ZNF681: variants seen among roughly 807,000 people sequenced by gnomAD.
The protein encoded by ZNF681 is zinc finger protein 681.
In ZNF681, 37 loss-of-function variants were observed where a neutral mutation model predicts 56.0. That is an observed-to-expected ratio of 0.66 (90% confidence interval 0.51 to 0.87). The LOEUF is 0.87. Among genes scored for constraint, ZNF681 ranks in the 40% least tolerant of loss-of-function variants. The probability of loss-of-function intolerance (pLI) is 0.00; values close to 1 mark genes in which losing one functional copy is unlikely to be tolerated. For missense variants in ZNF681, 741 were observed against 744.9 expected, an observed-to-expected ratio of 0.99 and a Z score of 0.06; for synonymous variants, 225 against 248.6, an observed-to-expected ratio of 0.91 and a Z score of 0.89.
chr19:23,756,597 A>C (rs1969123137), intron 1 of ZNF681, among the ~76,000 whole-genome samples: 1 of 152,160 alleles, frequency 6.6e-6, no homozygotes, highest in South Asian at 2.1e-4. Context: ...AACAATGAGC[A>C]CACATAAACA....
intron 1 of ZNF681, among the ~76,000 whole-genome samples, chr19:23,756,330 A>G (rs56156483): frequency 6.7e-6 from 1 of 148,886 alleles, no homozygotes; most frequent in Non-Finnish European, 1.5e-5. Flanking sequence ...GTCCCCCCCC[A>G]AAAAAAGACA....
intron 1 of ZNF681, among the ~76,000 whole-genome samples, chr19:23,757,623 T>A (rs1969142378): frequency 6.6e-6 from 1 of 152,108 alleles, no homozygotes; most frequent in African/African-American, 2.4e-5. Flanking sequence ...TATCTGCTTT[T>A]GTGTTTCAGG....
At chr19:23,747,979 G>T (rs1480298600) in intron 3 of ZNF681, among the ~76,000 whole-genome samples, 1 of 151,354 alleles carries the variant, frequency 6.6e-6, no homozygotes, top group Non-Finnish European at 1.5e-5. Context: ...TGATAAAGCT[G>T]GATTCTTTGA....
rs1968929429 is a variant in ZNF681, at chr19:23,745,314, GAACA to G, written c.232_235del (p.Cys78LeufsTer13). On this transcript the variant is annotated frameshift_variant, in exon 4 of 4. Transcript: ENST00000402377. LOFTEE classifies it high-confidence loss of function. ...TGGTGAAAAGTCTTGGGCAAAATGA[GAACA>G]AATAACTGAAAGAAATAAAAATAAC... 1.9e-6 allele frequency: 3 copies of G among 1,539,392 alleles called. No homozygotes were observed. The highest frequency in any genetic ancestry group is 1.7e-6 in the Non-Finnish European group (2 of 1,148,828).
chr19:23,757,701 A>G (rs1969143563), intron 1 of ZNF681, among the ~76,000 whole-genome samples: 1 of 152,180 alleles, frequency 6.6e-6, no homozygotes, highest in Non-Finnish European at 1.5e-5. Flanking sequence ...AATCAGTTCT[A>G]TGAGGCAAGA....
At chr19:23,755,596 C>CACAT (rs56816371) in intron 1 of ZNF681, 45 bp from the exon 2 acceptor site, 8 of 696,042 alleles carry the variant, frequency 1.1e-5, no homozygotes, top group Non-Finnish European at 1.6e-5. Context: ...CACACACACA[C>CACAT]ACATACACAT....
At chr19:23,753,485 A>G (rs1969065416) in intron 3 of ZNF681, among the ~76,000 whole-genome samples, 1 of 152,310 alleles carries the variant, frequency 6.6e-6, no homozygotes, top group Admixed American at 6.5e-5. Flanking sequence ...ACAATGAAAG[A>G]TATATCAATG....
chr19:23,754,434 C>A (rs766185928), intron 3 of ZNF681, among the ~76,000 whole-genome samples: 1 of 152,062 alleles, frequency 6.6e-6, no homozygotes, highest in East Asian at 1.9e-4. Context: ...GAGGCCAAGG[C>A]GGGCAGATCA....
chr19:23,743,740 T>C lies in ZNF681; in HGVS notation c.1810A>G (p.Asn604Asp), dbSNP rs1370964789. 1.9e-6 allele frequency: 3 copies of C among 1,611,240 alleles called. No homozygotes were observed. The highest frequency in any genetic ancestry group is 2.5e-6 in the Non-Finnish European group (3 of 1,178,400). ...KCGKAFNQSS[N>D]LTGHKKIHTG... The stretch of plus-strand genomic sequence containing the variant: ...TGAATTTTCTTATGTCCAGTAAGGT[T>C]TGAGGACTGGTTAAAAGCTTTGCCA... Residue 604 changes from asparagine to aspartate, a missense_variant, in exon 4 of 4, where the codon AAC (asparagine) becomes GAC (aspartate). Asn to Asp is a conservative substitution (Grantham distance 23). Transcript: ENST00000402377.
chr19:23,757,039 G>A (rs911428643), intron 1 of ZNF681, among the ~76,000 whole-genome samples: 1 of 151,724 alleles, frequency 6.6e-6, no homozygotes, highest in Non-Finnish European at 1.5e-5. Flanking sequence ...CCTGGCTAAT[G>A]TTTGTATTTT....
At chr19:23,749,418 T>C (rs988596148) in intron 3 of ZNF681, among the ~76,000 whole-genome samples, 1 of 152,188 alleles carries the variant, frequency 6.6e-6, no homozygotes, top group African/African-American at 2.4e-5. Context: ...TGTATAACAA[T>C]GTGAATACAC....
Position 23,740,977 on chromosome 19 carries a change from G to C in ZNF681, c.*2635C>G, listed in dbSNP as rs1273136660. ...CAAGTAAAAACAAAAATTTGCATAG[G>C]GAGATTCTGAATTATAAGCCATACA... On this transcript the variant is annotated 3_prime_UTR_variant, in exon 4 of 4. Transcript: ENST00000402377. 6.6e-6 allele frequency: 1 copy of C among 151,960 alleles called. No individual in the cohort carries two copies. Among genetic ancestry groups the C allele is most frequent in the Non-Finnish European group, 1.5e-5 (1 of 67,996 alleles). 9.4% of individuals were successfully genotyped at this position (151,960 alleles called of 1,614,324 possible). A position where few individuals can be genotyped will look rare whatever the true frequency, so the allele number is the denominator to read the frequency against.
At position 23,743,676 on chromosome 19, in the gene ZNF681, C is replaced by T. The variant is rs1350812386; in HGVS notation, c.1874G>A (p.Ser625Asn). 1 of 1,589,498 alleles carries T rather than the reference C, an allele frequency of 6.3e-7. No homozygotes were observed. Among genetic ancestry groups the T allele is most frequent in the Non-Finnish European group, 8.6e-7 (1 of 1,169,068 alleles). Residue 625 changes from serine (S) to asparagine (N), a missense_variant, in exon 4 of 4, where the codon AGT becomes AAT. Ser to Asn is a conservative substitution (Grantham distance 46). Transcript: ENST00000402377. ...AAACTTTGAAGTGTTTTCAAAATCACTGTTACATCTTTTAGGTTTGTAGAG... is the reference window on the plus strand; with the variant it reads ...AAACTTTGAAGTGTTTTCAAAATCATTGTTACATCTTTTAGGTTTGTAGAG... The part of the protein sequence containing the change: ...EKLYKPKRCN[S>N]DFENTSKFSK...
Position 23,743,685 on chromosome 19 carries a change from C to CT in ZNF681, c.1864dup (p.Arg622LysfsTer3). 6.2e-7 allele frequency: 1 copy of CT among 1,600,922 alleles called. No homozygotes were observed. Among genetic ancestry groups the CT allele is most frequent in the Non-Finnish European group, 8.5e-7 (1 of 1,173,932 alleles). ...AGTGTTTTCAAAATCACTGTTACAT[C>CT]TTTTAGGTTTGTAGAGTTTCTCACC... On this transcript the variant is annotated frameshift_variant, in exon 4 of 4. Transcript: ENST00000402377. LOFTEE classifies it high-confidence loss of function.
chr19:23,747,514 C>T (rs951282137), intron 3 of ZNF681, among the ~76,000 whole-genome samples: 4 of 151,606 alleles, frequency 2.6e-5, no homozygotes, highest in Admixed American at 6.6e-5. Context: ...GTGGCGGGCA[C>T]CTGTAGTCCC....
chr19:23,757,644 AC>A (rs1451007035), intron 1 of ZNF681, among the ~76,000 whole-genome samples: 1 of 152,156 alleles, frequency 6.6e-6, no homozygotes, highest in Non-Finnish European at 1.5e-5. Context: ...AATTGTAAGC[AC>A]CAGCCCTAGC....
At chr19:23,750,262 C>T (rs1356728250) in intron 3 of ZNF681, among the ~76,000 whole-genome samples, 18 of 127,922 alleles carry the variant, frequency 1.4e-4, no homozygotes, top group African/African-American at 2.7e-4. Flanking sequence ...CCAGCCTGGG[C>T]GACAGAGTGA....
At chr19:23,754,392 C>A (rs112120580) in intron 3 of ZNF681, among the ~76,000 whole-genome samples, 1,706 of 152,182 alleles carry the variant, frequency 0.011, 31 homozygotes, top group African/African-American at 0.039. Flanking sequence ...GGCAGGGTGG[C>A]GTGGCTCATG....
At position 23,739,992 on chromosome 19, in the gene ZNF681, T is replaced by G. The variant is rs1030850251; in HGVS notation, c.*3620A>C. On this transcript the variant is annotated 3_prime_UTR_variant, in exon 4 of 4. Coordinates refer to ENST00000402377, the MANE Select transcript of ZNF681 (RefSeq NM_138286.3). The stretch of plus-strand genomic sequence containing the variant: ...ATGGAAACGTACATTGTGGCATAAG[T>G]ATACTGTAGAAAATTAAATTAAAAG... 1.3e-5 allele frequency: 2 copies of G among 152,188 alleles called. No homozygotes were observed. Among genetic ancestry groups the G allele is most frequent in the African/African-American group, 4.8e-5 (2 of 41,442 alleles). 9.4% of individuals were successfully genotyped at this position (152,188 alleles called of 1,614,324 possible). A position where few individuals can be genotyped will look rare whatever the true frequency, so the allele number is the denominator to read the frequency against.
Sources: gnomAD v4.1 joint callset for allele counts (sites outside exome capture counted in the v4.1 genomes callset) on GRCh38, gnomAD v4.1.1 for gene constraint, MANE v1.5 for transcripts, NCBI Gene and HGNC (gene_info 2026-07-23, HGNC 2026-07-21) for gene names.